Variants in CCNJL observed in about 807,000 individuals in gnomAD.
The protein encoded by CCNJL is cyclin-J-like protein.
In CCNJL, 33 loss-of-function variants were observed where a neutral mutation model predicts 33.4. That is an observed-to-expected ratio of 0.99 (90% CI 0.75 to 1.32). The LOEUF (loss-of-function observed/expected upper bound fraction) is 1.32. CCNJL is among the 40% of genes most tolerant of loss of function. The pLI, the probability that CCNJL is intolerant of heterozygous loss-of-function variation, is 0.00. For synonymous variants in CCNJL, 227 were observed against 220.9 expected, an observed-to-expected ratio of 1.03 and a Z score of -0.24; for missense variants, 512 against 499.7, an observed-to-expected ratio of 1.02 and a Z score of -0.23.
intron 2 of CCNJL, chr5:160,295,097 C>T (rs1762712126): frequency 6.6e-6 from 1 of 152,306 alleles, no homozygotes; most frequent in African/African-American, 2.4e-5. Flanking sequence ...ATTCAAATCC[C>T]CTGGGGACCT....
chr5:160,313,700 A>G (rs1453818887), upstream of CCNJL, among the ~76,000 whole-genome samples: 1 of 152,252 alleles, frequency 6.6e-6, no homozygotes, highest in African/African-American at 2.4e-5. Context: ...AGGTTGAAAC[A>G]TAATAAAGAA....
intron 2 of CCNJL, among the ~76,000 whole-genome samples, chr5:160,305,104 G>T (rs1170827837): frequency 1.3e-5 from 2 of 152,060 alleles, no homozygotes; most frequent in African/African-American, 4.8e-5. Context: ...ATGAGCCACC[G>T]CGCCTGGCCA....
chr5:160,290,351 C>T (rs998142758), intron 2 of CCNJL, among the ~76,000 whole-genome samples: 2 of 152,006 alleles, frequency 1.3e-5, no homozygotes, highest in East Asian at 1.9e-4. Context: ...CTGCAACCTC[C>T]GCCTTCTAGG....
chr5:160,331,804 T>C (rs931826124), intron 1 of CCNJL, among the ~76,000 whole-genome samples: 9 of 151,968 alleles, frequency 5.9e-5, no homozygotes, highest in Non-Finnish European at 1.3e-4. Context: ...CACAAATGGG[T>C]TTTCCATTTG....
At chr5:160,261,260 C>T (rs1488105989) in intron 3 of CCNJL, 1 of 152,222 alleles carries the variant, frequency 6.6e-6, no homozygotes, top group African/African-American at 2.4e-5. Flanking sequence ...TTGCTCCCTT[C>T]TCGGCAAGCC....
chr5:160,316,197 G>C (rs1763377252), upstream of CCNJL, among the ~76,000 whole-genome samples: 1 of 152,028 alleles, frequency 6.6e-6, no homozygotes, highest in Non-Finnish European at 1.5e-5. Flanking sequence ...TTCCTGTGCC[G>C]GGCAGCAGGA....
chr5:160,257,090 C>A (rs1216670146), intron 4 of CCNJL, among the ~76,000 whole-genome samples: 1 of 152,048 alleles, frequency 6.6e-6, no homozygotes, highest in African/African-American at 2.4e-5. Context: ...GGTTCAAATC[C>A]TAGCAATGAG....
intron 3 of CCNJL, among the ~76,000 whole-genome samples, chr5:160,268,212 G>A (rs991716478): frequency 5.9e-5 from 9 of 152,196 alleles, no homozygotes; most frequent in African/African-American, 2.2e-4. Flanking sequence ...TGATGGAGAG[G>A]GTGTGAAACT....
intron 1 of CCNJL, among the ~76,000 whole-genome samples, chr5:160,329,510 C>T (rs1007838964): frequency 2.0e-5 from 3 of 152,062 alleles, no homozygotes; most frequent in Admixed American, 6.5e-5. Context: ...ACCACCACGC[C>T]GGCTAATTTT....
chr5:160,299,183 CTT>C (rs1433094761), intron 2 of CCNJL, among the ~76,000 whole-genome samples: 3 of 151,854 alleles, frequency 2.0e-5, no homozygotes, highest in African/African-American at 7.3e-5. Flanking sequence ...GAGTTTCCCT[CTT>C]GTTGCCCAGG....
chr5:160,336,688 C>T (rs1325976662), intron 1 of CCNJL, among the ~76,000 whole-genome samples: 2 of 152,230 alleles, frequency 1.3e-5, no homozygotes, highest in Non-Finnish European at 2.9e-5. Flanking sequence ...TCTATTTACT[C>T]ACCTCCTGCT....
At chr5:160,271,237 T>C (rs1264888591) in intron 3 of CCNJL, among the ~76,000 whole-genome samples, 1 of 152,028 alleles carries the variant, frequency 6.6e-6, no homozygotes, top group Non-Finnish European at 1.5e-5. Context: ...CAACTGACAA[T>C]ACTGACAGGT....
intron 2 of CCNJL, among the ~76,000 whole-genome samples, chr5:160,300,640 G>T (rs1268431168): frequency 6.6e-6 from 1 of 151,940 alleles, no homozygotes. Flanking sequence ...CCAAAAGATT[G>T]GACACCCCCG....
intron 1 of CCNJL, among the ~76,000 whole-genome samples, chr5:160,320,837 CTT>C (rs36134848): frequency 7.1e-5 from 8 of 111,928 alleles, no homozygotes; most frequent in African/African-American, 2.3e-4. Flanking sequence ...TTCTTTCTTT[CTT>C]TCTTTCTTTC....
Position 160,280,516 on chromosome 5 carries a change from T to C in CCNJL, c.280+9A>G. The stretch of plus-strand genomic sequence containing the variant: ...ACAAGCGCGGAGGAAGACGTAGGTT[T>C]TCGCTTACTTGCAAGCAGGAGGCAG... On this transcript the variant is annotated intron_variant, in intron 3 of 5. Transcript: ENST00000257536. 1.2e-6 allele frequency: 2 copies of C among 1,609,978 alleles called. No individual in the cohort carries two copies. Among genetic ancestry groups the C allele is most frequent in the African/African-American group, 1.3e-5 (1 of 75,006 alleles).
At position 160,252,417 on chromosome 5, in the gene CCNJL, G is replaced by A. The variant is rs1439991967; in HGVS notation, c.*961C>T. ...GCCCTGTAAGTATGTGGTGGAGAGA[G>A]GTGGGAACTGTTTAAATCTTTGTCT... On this transcript the variant is annotated 3_prime_UTR_variant, in exon 6 of 6. Transcript: ENST00000257536. 1.3e-5 allele frequency: 2 copies of A among 152,310 alleles called. No homozygotes were observed. The highest frequency in any genetic ancestry group is 4.8e-5 in the African/African-American group (2 of 41,456). The allele number at this position is 152,310 out of a possible 1,614,324, so 9.4% of individuals were successfully genotyped here.
chr5:160,279,126 G>A (rs143967470), intron 3 of CCNJL, among the ~76,000 whole-genome samples: 148 of 152,320 alleles, frequency 9.7e-4, no homozygotes, highest in African/African-American at 3.3e-3. Context: ...CTGGGTGATC[G>A]TGCCCATGGG....
chr5:160,300,277 A>G (rs1459255443), intron 2 of CCNJL, among the ~76,000 whole-genome samples: 2 of 152,150 alleles, frequency 1.3e-5, no homozygotes, highest in African/African-American at 4.8e-5. Flanking sequence ...GGGGACTAAG[A>G]GGGAGCTGGA....
At chr5:160,329,972 CT>C (rs1233421245) in intron 1 of CCNJL, among the ~76,000 whole-genome samples, 1 of 152,186 alleles carries the variant, frequency 6.6e-6, no homozygotes, top group Non-Finnish European at 1.5e-5. Context: ...ACCCCCACCC[CT>C]GCCTCTTTCC....
Sources: gnomAD v4.1 joint callset for allele counts (sites outside exome capture counted in the v4.1 genomes callset) on GRCh38, gnomAD v4.1.1 for gene constraint, MANE v1.5 for transcripts, NCBI Gene and HGNC (gene_info 2026-07-23, HGNC 2026-07-21) for gene names.